CPED1: variants seen among roughly 807,000 people sequenced by gnomAD.
CPED1 encodes the protein cadherin-like and PC-esterase domain-containing protein 1.
A neutral mutation model predicts 128.2 loss-of-function variants in CPED1; 114 were observed. That is an observed-to-expected ratio of 0.89 (90% confidence interval 0.76 to 1.04). The LOEUF (loss-of-function observed/expected upper bound fraction) is 1.04, where lower values mean the gene tolerates loss of function less well. Among genes scored for constraint, CPED1 ranks in the 50% least tolerant of loss-of-function variants. The pLI is 0.00. For synonymous variants in CPED1, 462 were observed against 426.7 expected, an observed-to-expected ratio of 1.08 and a Z score of -1.02; for missense variants, 1,211 against 1,207.1, an observed-to-expected ratio of 1.00 and a Z score of -0.05.
At chr7:121,087,285 C>T (rs1794448546) in intron 5 of CPED1, among the ~76,000 whole-genome samples, 1 of 152,130 alleles carries the variant, frequency 6.6e-6, no homozygotes, top group Admixed American at 6.5e-5. Flanking sequence ...TACTAAGTAA[C>T]TCCCTCTAGC....
intron 17 of CPED1, among the ~76,000 whole-genome samples, chr7:121,243,507 T>C (rs116455011): frequency 6.6e-6 from 1 of 152,196 alleles, no homozygotes; most frequent in Non-Finnish European, 1.5e-5. Context: ...ACTTTCTACC[T>C]GAACTCTGTT....
Position 121,046,900 on chromosome 7 carries a change from T to C in CPED1, c.447T>C (p.Ser149=). The C allele has an allele frequency of 6.2e-7, 1 of 1,611,568 alleles. No homozygotes were observed. Among genetic ancestry groups the C allele is most frequent in the Non-Finnish European group, 8.5e-7 (1 of 1,178,282 alleles). ...PGLLEQGDLG[S]WDLLICLSSK... is the part of the protein sequence containing the mutation. ...TTTTGCTTTTAGGTGATCTGGGCTC[T>C]TGGGATCTGCTCATTTGCCTGTCTT... The change falls in exon 4 of 23, where the codon TCT becomes TCC. Residue 149 remains serine (S), a synonymous_variant. Transcript: ENST00000310396.
intron 16 of CPED1, among the ~76,000 whole-genome samples, chr7:121,210,293 C>A (rs1177814624): frequency 6.6e-6 from 1 of 152,004 alleles, no homozygotes; most frequent in East Asian, 1.9e-4. Flanking sequence ...TGTGATCCAG[C>A]AATCTCACTG....
At chr7:121,278,847 T>C (rs898191441) in intron 22 of CPED1, among the ~76,000 whole-genome samples, 6 of 152,136 alleles carry the variant, frequency 3.9e-5, no homozygotes, top group South Asian at 2.1e-4. Flanking sequence ...AAGTAACTTA[T>C]GTTGAACTAC....
intron 16 of CPED1, among the ~76,000 whole-genome samples, chr7:121,189,534 G>A (rs1016364567): frequency 2.0e-5 from 3 of 151,654 alleles, no homozygotes; most frequent in Admixed American, 2.0e-4. Flanking sequence ...AGGTCACCAG[G>A]TCCCTCCCCC....
chr7:121,208,384 A>C (rs941608196), intron 16 of CPED1, among the ~76,000 whole-genome samples: 1 of 152,050 alleles, frequency 6.6e-6, no homozygotes, highest in Non-Finnish European at 1.5e-5. Flanking sequence ...AAGGTACATG[A>C]TGTGATTAGT....
chr7:121,058,328 C>A (rs1793556568), intron 4 of CPED1, among the ~76,000 whole-genome samples: 1 of 151,998 alleles, frequency 6.6e-6, no homozygotes, highest in African/African-American at 2.4e-5. Flanking sequence ...AAGCAAAGAC[C>A]AAAACAGGGA....
At chr7:121,048,527 T>C (rs866878105) in intron 4 of CPED1, among the ~76,000 whole-genome samples, 1 of 152,112 alleles carries the variant, frequency 6.6e-6, no homozygotes, top group Non-Finnish European at 1.5e-5. Flanking sequence ...CGTTTTTTTT[T>C]CTTCTGTTCT....
chr7:120,992,949 A>G (rs1796332747), intron 2 of CPED1, among the ~76,000 whole-genome samples: 4 of 152,168 alleles, frequency 2.6e-5, no homozygotes, highest in Admixed American at 1.3e-4. Context: ...AAATCATGGT[A>G]TAATATATGC....
intron 4 of CPED1, among the ~76,000 whole-genome samples, chr7:121,052,309 C>T (rs6466764): frequency 0.66 from 99,744 of 152,058 alleles, 35,500 homozygotes; most frequent in Admixed American, 0.8. Flanking sequence ...CTCAGTTCTT[C>T]ACTTTGTTTC....
At position 121,111,138 on chromosome 7, in the gene CPED1, G is replaced by T. The variant is rs1795097411; in HGVS notation, c.918+11044G>T. On this transcript the variant is annotated intron_variant, in intron 7 of 22. Coordinates refer to ENST00000310396, the MANE Select transcript of CPED1 (RefSeq NM_024913.5). ...AGGCACACAGGTTCCTGTTCATACA[G>T]CAGCTTACCTGTTGAGGCTGGTTCT... Among the ~76,000 whole-genome samples, 3 of 152,116 alleles carry T rather than the reference G, an allele frequency of 2.0e-5. No homozygotes were observed. The South Asian group carries it at 6.2e-4, about 32-fold the overall frequency.
At chr7:121,146,263 G>T (rs1168596391) in intron 16 of CPED1, among the ~76,000 whole-genome samples, 2 of 152,032 alleles carry the variant, frequency 1.3e-5, no homozygotes, top group Non-Finnish European at 2.9e-5. Context: ...GGGGAAAGAC[G>T]CAAAGGGCAG....
chr7:121,236,028 G>T (rs1171331112), intron 16 of CPED1, among the ~76,000 whole-genome samples: 1 of 152,146 alleles, frequency 6.6e-6, no homozygotes, highest in Non-Finnish European at 1.5e-5. Flanking sequence ...CAGGTACAGG[G>T]CCAACAGCTT....
At position 121,294,806 on chromosome 7, in the gene CPED1, C is replaced by CAAAAAAAAAA. The variant is rs752742828; in HGVS notation, c.2869-627_2869-618dup. ...GATGGAGTTACTTTAGCCTTCTAAG[C>CAAAAAAAAAA]AAAAAAAAAAAAAAAAGTCTAAAAC... On this transcript the variant is annotated intron_variant, in intron 22 of 22. Transcript: ENST00000310396. Among the ~76,000 whole-genome samples the CAAAAAAAAAA allele has an allele frequency of 1.5e-4, 9 of 61,410 alleles. No homozygotes were observed. The East Asian group carries it at 3.2e-3, about 22-fold the overall frequency. The allele number at this position is 61,410 out of a possible 152,430, so 40.3% of individuals were successfully genotyped here. A position where few individuals can be genotyped will look rare whatever the true frequency, so the allele number is the denominator to read the frequency against.
intron 21 of CPED1, among the ~76,000 whole-genome samples, chr7:121,270,614 A>T (rs1301363817): frequency 3.3e-5 from 5 of 152,106 alleles, no homozygotes; most frequent in African/African-American, 1.2e-4. Context: ...AGAGCCAGTT[A>T]TCCCAGCATT....
At chr7:121,287,082 A>G (rs75944910) in intron 22 of CPED1, among the ~76,000 whole-genome samples, 3,691 of 152,254 alleles carry the variant, frequency 0.024, 125 homozygotes, top group South Asian at 0.13. Context: ...CCCCGATTCA[A>G]TTACCTCTAC....
chr7:121,038,047 T>C (rs1292335545), intron 3 of CPED1, among the ~76,000 whole-genome samples: 4 of 152,150 alleles, frequency 2.6e-5, no homozygotes, highest in African/African-American at 9.7e-5. Context: ...GATGAGTCTT[T>C]AGGGTTTTCT....
At chr7:121,001,575 T>C (rs570277748) in intron 2 of CPED1, among the ~76,000 whole-genome samples, 12 of 152,274 alleles carry the variant, frequency 7.9e-5, no homozygotes, top group East Asian at 1.9e-4. Context: ...TTATTTCTTT[T>C]GGCATAGGAA....
intron 16 of CPED1, among the ~76,000 whole-genome samples, chr7:121,234,452 T>C (rs998992545): frequency 6.6e-6 from 1 of 152,068 alleles, no homozygotes; most frequent in Non-Finnish European, 1.5e-5. Flanking sequence ...TATAGAACTA[T>C]AAACAGATAA....
Sources: allele counts gnomAD v4.1 joint callset (sites outside exome capture counted in the v4.1 genomes callset), GRCh38; gene constraint gnomAD v4.1.1; transcripts MANE v1.5; gene names NCBI Gene and HGNC (gene_info 2026-07-23, HGNC 2026-07-21).